KATNIP: variants seen among roughly 807,000 people sequenced by gnomAD.
The protein encoded by KATNIP is katanin-interacting protein.
In KATNIP, 126 loss-of-function variants were observed where a neutral mutation model predicts 174.0. The observed-to-expected ratio is 0.72, with a 90% CI of 0.63 to 0.84. The LOEUF is 0.84. Among genes scored for constraint, KATNIP ranks in the 40% least tolerant of loss-of-function variants. The pLI is 0.00. For missense variants in KATNIP, 1,958 were observed against 2,109.7 expected (o/e 0.93, Z 1.41); for synonymous variants, 810 against 835.7 (o/e 0.97, Z 0.53).
rs369395949 is a variant in KATNIP at position 27,751,936 on chromosome 16, GC to G, written c.3552+13del. On this transcript the variant is annotated intron_variant, in intron 17 of 27. Coordinates refer to ENST00000261588, the MANE Select transcript of KATNIP (RefSeq NM_015202.5). ...GGGCTGATGAACGGGTAGGACTGGA[GC>G]TGGGGGGCTGTGGGGGGACCCCCAG... 547 of 1,592,810 alleles carry G rather than the reference GC, an allele frequency of 3.4e-4. 1 individual carries two copies. The African/African-American group carries it at 4.9e-3, about 14-fold the overall frequency.
intron 14 of KATNIP, among the ~76,000 whole-genome samples, chr16:27,735,613 G>A (rs370356070): frequency 6.6e-6 from 1 of 152,302 alleles, no homozygotes; most frequent in East Asian, 1.9e-4. Context: ...TTTGAGAATC[G>A]ACTTTTCTGA....
intron 3 of KATNIP, among the ~76,000 whole-genome samples, chr16:27,623,274 G>C (rs2076246203): frequency 6.6e-6 from 1 of 152,200 alleles, no homozygotes; most frequent in South Asian, 2.1e-4. Context: ...CAGGTTGGAG[G>C]TTTCCTTGGC....
chr16:27,604,177 C>G (rs1363416260), intron 2 of KATNIP, among the ~76,000 whole-genome samples: 1 of 152,190 alleles, frequency 6.6e-6, no homozygotes, highest in East Asian at 1.9e-4. Flanking sequence ...CAGCTCATTG[C>G]AGCCTCAATC....
At chr16:27,633,298 C>T (rs1371814149) in intron 5 of KATNIP, among the ~76,000 whole-genome samples, 2 of 151,990 alleles carry the variant, frequency 1.3e-5, no homozygotes, top group East Asian at 3.9e-4. Flanking sequence ...AATATAGATG[C>T]TCAGGCCCCA....
At chr16:27,585,881 C>T (rs1596808868) in intron 2 of KATNIP, among the ~76,000 whole-genome samples, 1 of 152,142 alleles carries the variant, frequency 6.6e-6, no homozygotes, top group Admixed American at 6.5e-5. Flanking sequence ...GCAGGCGGAT[C>T]ACTTGAGGTC....
chr16:27,660,401 T>C (rs2077434053), intron 6 of KATNIP, among the ~76,000 whole-genome samples: 1 of 151,880 alleles, frequency 6.6e-6, no homozygotes, highest in Admixed American at 6.6e-5. Context: ...ATACAAAAAT[T>C]AACCAGGCAT....
At chr16:27,745,016 C>T (rs1297608787) in intron 15 of KATNIP, among the ~76,000 whole-genome samples, 1 of 152,008 alleles carries the variant, frequency 6.6e-6, no homozygotes, top group Non-Finnish European at 1.5e-5. Context: ...GAGCAGGATC[C>T]GATCTCTTTA....
chr16:27,568,474 GT>G (rs936409422), intron 1 of KATNIP, among the ~76,000 whole-genome samples: 8 of 147,640 alleles, frequency 5.4e-5, no homozygotes, highest in Non-Finnish European at 9.0e-5. Flanking sequence ...TAAGAAATAA[GT>G]TTTTTTTTTT....
intron 14 of KATNIP, among the ~76,000 whole-genome samples, chr16:27,723,251 AC>A (rs1429588654): frequency 1.3e-5 from 2 of 151,912 alleles, no homozygotes; most frequent in African/African-American, 4.8e-5. Flanking sequence ...ATCAAGGTCA[AC>A]CCCCTGAGTG....
At chr16:27,660,142 G>A (rs548182779) in intron 6 of KATNIP, 16 of 283,448 alleles carry the variant, frequency 5.6e-5, no homozygotes, top group African/African-American at 2.7e-4. Context: ...CTCCTCTGGG[G>A]CCCCCATTTC....
chr16:27,711,092 T>G (rs1280487118), intron 13 of KATNIP, among the ~76,000 whole-genome samples: 1 of 152,132 alleles, frequency 6.6e-6, no homozygotes, highest in Non-Finnish European at 1.5e-5. Flanking sequence ...AAAGTAAATG[T>G]GTTTCAAGTC....
At chr16:27,576,752 G>A (rs2090513197) in intron 2 of KATNIP, among the ~76,000 whole-genome samples, 1 of 152,102 alleles carries the variant, frequency 6.6e-6, no homozygotes, top group Non-Finnish European at 1.5e-5. Flanking sequence ...CCTCTCTCCT[G>A]ACTTCCCAAC....
chr16:27,751,615 T>C, intron 16 of KATNIP, 104 bp from the exon 17 acceptor site: 1 of 1,003,480 alleles, frequency 1.0e-6, no homozygotes, highest in Non-Finnish European at 1.5e-6. Flanking sequence ...CAGTTAAGGG[T>C]GTGGGGTTGT....
At chr16:27,631,543 TA>T (rs80028032) in intron 5 of KATNIP, among the ~76,000 whole-genome samples, 3,382 of 119,362 alleles carry the variant, frequency 0.028, 115 homozygotes, top group African/African-American at 0.091. Flanking sequence ...AGAGCCTGTC[TA>T]AAAAAAAAAA....
chr16:27,684,182 C>A (rs535742860), intron 8 of KATNIP, among the ~76,000 whole-genome samples: 1 of 152,292 alleles, frequency 6.6e-6, no homozygotes, highest in African/African-American at 2.4e-5. Flanking sequence ...ATCCACACAG[C>A]CCCGTGCAAT....
At chr16:27,723,036 T>C (rs2080302942) in intron 14 of KATNIP, among the ~76,000 whole-genome samples, 1 of 152,152 alleles carries the variant, frequency 6.6e-6, no homozygotes. Context: ...TAAGCTGTGA[T>C]GGCAAAGGAC....
At chr16:27,592,887 G>A (rs2075222768) in intron 2 of KATNIP, among the ~76,000 whole-genome samples, 1 of 152,056 alleles carries the variant, frequency 6.6e-6, no homozygotes, top group Non-Finnish European at 1.5e-5. Context: ...AGCTCTACAA[G>A]GTAAGTATTT....
At chr16:27,580,503 A>T (rs536962120) in intron 2 of KATNIP, among the ~76,000 whole-genome samples, 10 of 152,186 alleles carry the variant, frequency 6.6e-5, no homozygotes, top group African/African-American at 1.9e-4. Flanking sequence ...GCTAATCAAT[A>T]CTCAAGAGTA....
chr16:27,756,924 C>T (rs1597388553), intron 18 of KATNIP, among the ~76,000 whole-genome samples: 1 of 152,188 alleles, frequency 6.6e-6, no homozygotes, highest in East Asian at 1.9e-4. Context: ...GTGGAAAGTC[C>T]TGGAAGCTCC....
Sources: gnomAD v4.1 joint callset for allele counts (sites outside exome capture counted in the v4.1 genomes callset) on GRCh38, gnomAD v4.1.1 for gene constraint, MANE v1.5 for transcripts, NCBI Gene and HGNC (gene_info 2026-07-23, HGNC 2026-07-21) for gene names.